RALGPS2: variants seen among roughly 807,000 people sequenced by gnomAD.
RALGPS2 encodes ras-specific guanine nucleotide-releasing factor RalGPS2.
Under a neutral mutation model 86.8 loss-of-function variants are expected in RALGPS2, and 43 were observed. The observed-to-expected ratio is 0.50, with a 90% CI of 0.39 to 0.64. The LOEUF is 0.64. RALGPS2 is among the 30% of genes least tolerant of loss of function. The pLI is 0.00. For missense variants in RALGPS2, 536 were observed against 694.6 expected (o/e 0.77, Z 2.57); for synonymous variants, 243 against 231.3 (o/e 1.05, Z -0.46).
At chr1:178,906,322 C>T (rs1274306856) in intron 18 of RALGPS2, among the ~76,000 whole-genome samples, 2 of 151,918 alleles carry the variant, frequency 1.3e-5, no homozygotes, top group Non-Finnish European at 2.9e-5. Context: ...TTGCAATGAG[C>T]TGAGATTGTG....
chr1:178,814,506 A>G (rs748205362), intron 6 of RALGPS2, among the ~76,000 whole-genome samples: 2 of 152,002 alleles, frequency 1.3e-5, no homozygotes, highest in Non-Finnish European at 2.9e-5. Flanking sequence ...TGTGATCCCA[A>G]CTCACTGCAT....
At chr1:178,810,038 A>G (rs1393456561) in intron 5 of RALGPS2, among the ~76,000 whole-genome samples, 2 of 151,848 alleles carry the variant, frequency 1.3e-5, no homozygotes, top group Non-Finnish European at 2.9e-5. Flanking sequence ...CTTGAGCCCA[A>G]GAGTTCAAGA....
At chr1:178,816,548 G>T (rs1338725053) in intron 6 of RALGPS2, among the ~76,000 whole-genome samples, 1 of 151,572 alleles carries the variant, frequency 6.6e-6, no homozygotes, top group Non-Finnish European at 1.5e-5. Context: ...GCTGTCTTTT[G>T]GTTAGTGAGC....
intron 17 of RALGPS2, among the ~76,000 whole-genome samples, chr1:178,900,040 C>A (rs1308649267): frequency 2.6e-5 from 4 of 151,638 alleles, no homozygotes; most frequent in African/African-American, 9.7e-5. Flanking sequence ...ATTTAGGGTT[C>A]AATGTTATGA....
intron 17 of RALGPS2, among the ~76,000 whole-genome samples, chr1:178,901,592 C>A (rs1363030209): frequency 6.7e-6 from 1 of 149,988 alleles, no homozygotes. Context: ...TTGAAAAATA[C>A]AAGTAAGAAT....
intron 14 of RALGPS2, 33 bp downstream of exon 14, chr1:178,889,729 GT>G: frequency 1.3e-6 from 2 of 1,502,146 alleles, no homozygotes; most frequent in Non-Finnish European, 1.8e-6. Context: ...ACTACTTGGA[GT>G]TTATTTTGTC....
chr1:178,843,690 A>G (rs1249612776), intron 8 of RALGPS2, among the ~76,000 whole-genome samples: 2 of 150,186 alleles, frequency 1.3e-5, no homozygotes, highest in Admixed American at 6.6e-5. Flanking sequence ...CCAAAAAGGG[A>G]AAAAAAAACA....
chr1:178,730,758 A>G (rs1333851246), intron 1 of RALGPS2, among the ~76,000 whole-genome samples: 1 of 151,114 alleles, frequency 6.6e-6, no homozygotes, highest in Non-Finnish European at 1.5e-5. Flanking sequence ...CTGGAGTGCA[A>G]TGGCGTGATC....
chr1:178,761,420 ACT>A (rs1480307562), intron 1 of RALGPS2, among the ~76,000 whole-genome samples: 1 of 147,326 alleles, frequency 6.8e-6, no homozygotes, highest in African/African-American at 2.5e-5. Flanking sequence ...CTTGAGTGAC[ACT>A]CTGTCTCAAA....
chr1:178,852,858 T>C, intron 8 of RALGPS2: 1 of 1,613,976 alleles, frequency 6.2e-7, no homozygotes, highest in Non-Finnish European at 8.5e-7. Context: ...TCCAGTCTTC[T>C]AATTCAATCA....
chr1:178,769,328 A>C (rs1652668538), intron 1 of RALGPS2, among the ~76,000 whole-genome samples: 1 of 149,598 alleles, frequency 6.7e-6, no homozygotes, highest in Non-Finnish European at 1.5e-5. Context: ...TAGTCCATGC[A>C]AGCAGGTGCT....
intron 7 of RALGPS2, among the ~76,000 whole-genome samples, chr1:178,830,521 A>G (rs1655966767): frequency 1.3e-5 from 2 of 152,210 alleles, no homozygotes; most frequent in South Asian, 2.1e-4. Flanking sequence ...AAAATTGGTC[A>G]CCAGTTTGGG....
At chr1:178,876,217 TG>T (rs1658998647) in intron 8 of RALGPS2, among the ~76,000 whole-genome samples, 1 of 151,988 alleles carries the variant, frequency 6.6e-6, no homozygotes, top group East Asian at 1.9e-4. Flanking sequence ...AAGATATAAA[TG>T]TAAAAAAAAT....
intron 7 of RALGPS2, among the ~76,000 whole-genome samples, chr1:178,824,958 C>T (rs530966118): frequency 1.3e-5 from 2 of 152,168 alleles, no homozygotes; most frequent in South Asian, 2.1e-4. Flanking sequence ...CATAAAAAAG[C>T]AAGGTCTTTA....
At chr1:178,829,792 TG>T (rs1433501752) in intron 7 of RALGPS2, among the ~76,000 whole-genome samples, 1 of 152,170 alleles carries the variant, frequency 6.6e-6, no homozygotes, top group Non-Finnish European at 1.5e-5. Flanking sequence ...TCACCCAGGC[TG>T]TAGCGCAGTG....
At chr1:178,832,111 A>T (rs1045146143) in intron 7 of RALGPS2, among the ~76,000 whole-genome samples, 1 of 152,202 alleles carries the variant, frequency 6.6e-6, no homozygotes, top group East Asian at 1.9e-4. Flanking sequence ...GTAAAGAGTT[A>T]GATATACAGG....
In RALGPS2 at chr1:178,877,029, G is replaced by A. The variant is rs1034843639; in HGVS notation, c.608-469G>A. 2.6e-5 allele frequency among the ~76,000 whole-genome samples: 4 copies of A among 152,228 alleles called. No individual in the cohort carries two copies. In the East Asian group the frequency reaches 7.7e-4, roughly 29 times the overall value. On this transcript the variant is annotated intron_variant, in intron 8 of 19. Coordinates refer to ENST00000367635, the MANE Select transcript of RALGPS2 (RefSeq NM_152663.5). ...AATATTAAATAATTTCCCTATGTCA[G>A]TCAGTGGCTGGGCTGCTGGCTAAAT...
At chr1:178,805,335 A>G (rs1335862768) in intron 4 of RALGPS2, among the ~76,000 whole-genome samples, 5 of 151,452 alleles carry the variant, frequency 3.3e-5, no homozygotes, top group African/African-American at 7.3e-5. Flanking sequence ...TTGGTGTTTT[A>G]GACATGAAGT....
intron 8 of RALGPS2, 26 bp downstream of exon 8, chr1:178,833,576 T>C: frequency 6.6e-7 from 1 of 1,518,554 alleles, no homozygotes; most frequent in Middle Eastern, 1.7e-4. Flanking sequence ...GTGTGTTTTT[T>C]GTTTCTAGTT....
Sources: allele counts gnomAD v4.1 joint callset (sites outside exome capture counted in the v4.1 genomes callset), GRCh38; gene constraint gnomAD v4.1.1; transcripts MANE v1.5; gene names NCBI Gene and HGNC (gene_info 2026-07-23, HGNC 2026-07-21).